The following USP31 variants were observed in gnomAD, a reference collection of about 807,000 sequenced individuals.
The protein encoded by USP31 is ubiquitin carboxyl-terminal hydrolase 31.
Under a neutral mutation model 119.4 loss-of-function variants are expected in USP31, and 44 were observed. The ratio of observed to expected loss-of-function variants is 0.37; its 90% CI spans 0.29 to 0.47. USP31 has a LOEUF of 0.47. Among genes scored for constraint, USP31 ranks in the 20% least tolerant of loss-of-function variants. USP31 has a pLI of 0.99. For synonymous variants in USP31, 749 were observed against 705.6 expected (o/e 1.06, Z -0.97); for missense variants, 1,643 against 1,730.2 (o/e 0.95, Z 0.89).
At chr16:23,142,351 G>C (rs985174143) in intron 1 of USP31, among the ~76,000 whole-genome samples, 3 of 152,190 alleles carry the variant, frequency 2.0e-5, no homozygotes, top group African/African-American at 7.2e-5. Context: ...ACCTAAGCCT[G>C]AGGAGCAATG....
At position 23,106,484 on chromosome 16, in the gene USP31, G is replaced by A; in HGVS notation, c.775C>T (p.Pro259Ser). 6.2e-7 allele frequency: 1 copy of A among 1,603,674 alleles called. No individual in the cohort carries two copies. Among genetic ancestry groups the A allele is most frequent in the Non-Finnish European group, 8.5e-7 (1 of 1,176,880 alleles). The part of the protein sequence containing the change: ...KQSGQPPLKP[P>S]SETDMMPEGP... ...TCAGGCATCATATCAGTCTCTGATG[G>A]TGGCTAAAAAAAAAAGAAAGTACAA... Residue 259 changes from proline to serine, a missense_variant, in exon 3 of 16, where the codon CCA (proline) becomes TCA (serine). Physicochemically the swap from Pro to Ser is moderately conservative, Grantham distance 74. Coordinates refer to ENST00000219689, the MANE Select transcript of USP31 (RefSeq NM_020718.4).
chr16:23,085,484 A>AGG, intron 10 of USP31, 101 bp downstream of exon 10: 1 of 1,076,372 alleles, frequency 9.3e-7, no homozygotes, highest in South Asian at 1.4e-5. Context: ...GCTAAAGAGA[A>AGG]GAGAGATTTG....
intron 2 of USP31, among the ~76,000 whole-genome samples, chr16:23,106,873 G>A (rs1902129740): frequency 6.6e-6 from 1 of 152,148 alleles, no homozygotes; most frequent in Admixed American, 6.5e-5. Flanking sequence ...AACACTTTGA[G>A]AGGCAGGGGT....
intron 1 of USP31, among the ~76,000 whole-genome samples, chr16:23,146,575 T>A (rs1314704930): frequency 6.6e-6 from 1 of 152,064 alleles, no homozygotes; most frequent in African/African-American, 2.4e-5. Flanking sequence ...ACATAGATCT[T>A]TTTTTCCAGT....
chr16:23,139,766 C>T (rs1049269699), intron 1 of USP31, among the ~76,000 whole-genome samples: 2 of 152,184 alleles, frequency 1.3e-5, no homozygotes, highest in Non-Finnish European at 2.9e-5. Context: ...TATCCTATGG[C>T]TCCCAACCCC....
chr16:23,080,270 T>A, intron 12 of USP31, 99 bp from the exon 13 acceptor site: 1 of 1,005,138 alleles, frequency 9.9e-7, no homozygotes. Context: ...CAAAGCGGTG[T>A]GAGTTACCTA....
intron 5 of USP31, 80 bp from the exon 6 acceptor site, chr16:23,102,543 A>G: frequency 6.7e-7 from 1 of 1,503,280 alleles, no homozygotes; most frequent in Non-Finnish European, 8.9e-7. Flanking sequence ...GAACTTCTCC[A>G]GACCATCAGG....
At chr16:23,082,375 C>A in intron 12 of USP31, 63 bp downstream of exon 12, 1 of 1,599,826 alleles carries the variant, frequency 6.3e-7, no homozygotes, top group Non-Finnish European at 8.5e-7. Context: ...CAGAGCCCAT[C>A]AGCAGGGGGC....
chr16:23,093,943 G>A (rs1322458950), intron 6 of USP31, among the ~76,000 whole-genome samples: 3 of 152,186 alleles, frequency 2.0e-5, no homozygotes, highest in African/African-American at 7.2e-5. Context: ...GCAGAAGATG[G>A]GTGATTTCTG....
intron 14 of USP31, chr16:23,072,675 T>G: frequency 2.7e-6 from 1 of 367,148 alleles, no homozygotes; most frequent in East Asian, 4.7e-5. Context: ...ATATTAATAA[T>G]ACACACACAC....
chr16:23,127,422 G>GA (rs1480849894), intron 1 of USP31, among the ~76,000 whole-genome samples: 3 of 150,764 alleles, frequency 2.0e-5, no homozygotes, highest in East Asian at 3.9e-4. Context: ...CTATCTCAAA[G>GA]AAAAAAAAGA....
At chr16:23,104,669 C>T (rs961504497) in intron 5 of USP31, among the ~76,000 whole-genome samples, 1 of 152,190 alleles carries the variant, frequency 6.6e-6, no homozygotes, top group Non-Finnish European at 1.5e-5. Flanking sequence ...GTACAAAACA[C>T]CTTTATTATT....
At chr16:23,090,587 A>G in intron 7 of USP31, 37 bp downstream of exon 7, 1 of 1,524,374 alleles carries the variant, frequency 6.6e-7, no homozygotes, top group South Asian at 1.3e-5. Context: ...GAACTGTTAC[A>G]GTCTAGGTAC....
chr16:23,067,938 C>A lies in USP31; in HGVS notation c.*108G>T, dbSNP rs1055946275. 2 of 1,388,628 alleles carry A rather than the reference C, an allele frequency of 1.4e-6. No individual in the cohort carries two copies. Among genetic ancestry groups the A allele is most frequent in the Non-Finnish European group, 1.9e-6 (2 of 1,033,440 alleles). The allele number at this position is 1,388,628 out of a possible 1,614,324, so 86.0% of individuals were successfully genotyped here. On this transcript the variant is annotated 3_prime_UTR_variant, in exon 16 of 16. Coordinates refer to ENST00000219689, the MANE Select transcript of USP31 (RefSeq NM_020718.4). ...TCACACACACACACACAGTCGGGCA[C>A]GTGACTCAAAAAAGTACAAAACAAA...
intron 2 of USP31, among the ~76,000 whole-genome samples, chr16:23,107,604 T>C (rs1902159953): frequency 2.6e-5 from 4 of 152,218 alleles, no homozygotes; most frequent in South Asian, 4.1e-4. Context: ...AATTGCTATG[T>C]TTCTCAATAA....
chr16:23,128,009 A>C (rs1282669730), intron 1 of USP31, among the ~76,000 whole-genome samples: 1 of 152,212 alleles, frequency 6.6e-6, no homozygotes, highest in Non-Finnish European at 1.5e-5. Flanking sequence ...AAGGCAAATG[A>C]GAATTTACGC....
At chr16:23,148,581 G>C (rs1294939526) in intron 1 of USP31, 57 bp downstream of exon 1, 3 of 1,405,914 alleles carry the variant, frequency 2.1e-6, no homozygotes, top group African/African-American at 3.0e-5. Context: ...AGACCTGGGC[G>C]GGCAGGTGCC....
At chr16:23,081,176 G>A (rs890460816) in intron 12 of USP31, among the ~76,000 whole-genome samples, 2 of 152,164 alleles carry the variant, frequency 1.3e-5, no homozygotes, top group Admixed American at 1.3e-4. Flanking sequence ...AGTCAAAGAG[G>A]ACACTGCAGG....
intron 11 of USP31, among the ~76,000 whole-genome samples, chr16:23,082,827 C>CTTT (rs1200485986): frequency 3.3e-5 from 4 of 120,336 alleles, no homozygotes; most frequent in African/African-American, 8.4e-5. Flanking sequence ...CTTTCTTTCT[C>CTTT]TCTCTTTTTT....
Sources: allele counts gnomAD v4.1 joint callset (sites outside exome capture counted in the v4.1 genomes callset), GRCh38; gene constraint gnomAD v4.1.1; transcripts MANE v1.5; gene names NCBI Gene and HGNC (gene_info 2026-07-23, HGNC 2026-07-21).